The following GBE1 variants were observed in gnomAD, a reference collection of about 807,000 sequenced individuals.
GBE1 encodes 1,4-alpha-glucan-branching enzyme.
Under a neutral mutation model 88.8 loss-of-function variants are expected in GBE1, and 70 were observed. The observed-to-expected ratio is 0.79, with a 90% CI of 0.65 to 0.96. The LOEUF is 0.96. Among genes scored for constraint, GBE1 ranks in the 40% least tolerant of loss-of-function variants. The pLI, the probability that GBE1 is intolerant of heterozygous loss-of-function variation, is 0.00. For synonymous variants in GBE1, 284 were observed against 300.1 expected (o/e 0.95, Z 0.56); for missense variants, 872 against 871.0 (o/e 1.00, Z -0.01).
intron 9 of GBE1, among the ~76,000 whole-genome samples, chr3:81,587,368 C>A (rs1465412360): frequency 1.3e-5 from 2 of 152,240 alleles, no homozygotes; most frequent in African/African-American, 2.4e-5. Context: ...ACCACAACCA[C>A]AATCTTATTT....
At chr3:81,678,308 C>T (rs904282908) in intron 2 of GBE1, among the ~76,000 whole-genome samples, 28 of 152,254 alleles carry the variant, frequency 1.8e-4, no homozygotes, top group Admixed American at 1.5e-3. Flanking sequence ...CCTTTGTACA[C>T]GCAGTCCCTC....
chr3:81,716,513 A>C (rs1411964755), intron 1 of GBE1, among the ~76,000 whole-genome samples: 3 of 152,204 alleles, frequency 2.0e-5, no homozygotes, highest in Admixed American at 2.0e-4. Context: ...GAAAAGAAAA[A>C]GAAATGTTCT....
At chr3:81,654,263 A>C (rs1223549450) in intron 3 of GBE1, among the ~76,000 whole-genome samples, 2 of 152,210 alleles carry the variant, frequency 1.3e-5, no homozygotes, top group Non-Finnish European at 2.9e-5. Context: ...TTTATTTAGA[A>C]CATGTCATTT....
chr3:81,738,152 T>C (rs1706296078), intron 1 of GBE1, among the ~76,000 whole-genome samples: 1 of 151,652 alleles, frequency 6.6e-6, no homozygotes, highest in South Asian at 2.1e-4. Flanking sequence ...CAGTCTATCA[T>C]TGTTGGACAT....
chr3:81,698,014 A>C (rs1705626592), intron 2 of GBE1, among the ~76,000 whole-genome samples: 1 of 147,900 alleles, frequency 6.8e-6, no homozygotes, highest in African/African-American at 2.5e-5. Context: ...ATTAGGTGTT[A>C]TATATTATAT....
intron 12 of GBE1, among the ~76,000 whole-genome samples, chr3:81,542,674 G>GA (rs1188929678): frequency 2.0e-5 from 3 of 151,804 alleles, no homozygotes; most frequent in African/African-American, 7.3e-5. Context: ...TAAGCATTAA[G>GA]AAAAAATTCA....
chr3:81,529,543 T>C lies in GBE1; in HGVS notation c.1934+5652A>G, dbSNP rs188427529. On this transcript the variant is annotated intron_variant, in intron 14 of 15. Transcript: ENST00000429644. ...TTTTGTTTGTCTGGGAAAGTCTTAA[T>C]TTCTCCTTCATATTTGGAGGATATT... is the stretch of plus-strand genomic sequence containing the variant. Among the ~76,000 whole-genome samples the C allele has an allele frequency of 1.4e-4, 22 of 152,060 alleles. No homozygotes were observed. In the East Asian group the frequency reaches 4.3e-3, roughly 30 times the overall value.
intron 2 of GBE1, among the ~76,000 whole-genome samples, chr3:81,692,595 T>G (rs1031693859): frequency 1.3e-5 from 2 of 152,228 alleles, no homozygotes; most frequent in Admixed American, 6.5e-5. Context: ...GTGAACCATA[T>G]TTTGATCCAA....
At chr3:81,705,665 A>G in intron 1 of GBE1, 52 bp from the exon 2 acceptor site, 8 of 1,262,648 alleles carry the variant, frequency 6.3e-6, no homozygotes, top group Admixed American at 5.9e-5. Flanking sequence ...AGTCTTCTAG[A>G]AAAGCTACTG....
At chr3:81,650,036 A>G (rs1004157617) in intron 3 of GBE1, 115 bp from the exon 4 acceptor site, 44 of 755,576 alleles carry the variant, frequency 5.8e-5, no homozygotes, top group Non-Finnish European at 6.7e-5. Flanking sequence ...AAGAATCTAG[A>G]CCACCATACA....
chr3:81,578,977 A>T (rs1703685747), intron 11 of GBE1, among the ~76,000 whole-genome samples: 1 of 151,952 alleles, frequency 6.6e-6, no homozygotes, highest in African/African-American at 2.4e-5. Context: ...GATTTATATC[A>T]TTACTTCTTA....
intron 14 of GBE1, among the ~76,000 whole-genome samples, chr3:81,512,419 T>G (rs1296655704): frequency 6.6e-6 from 1 of 151,778 alleles, no homozygotes; most frequent in Non-Finnish European, 1.5e-5. Flanking sequence ...TGGAAAAAAT[T>G]TTTCCACTAA....
chr3:81,687,753 G>A (rs1705460937), intron 2 of GBE1, among the ~76,000 whole-genome samples: 2 of 152,180 alleles, frequency 1.3e-5, no homozygotes, highest in Admixed American at 6.5e-5. Context: ...AGGTGAGCAC[G>A]GTGGAAGCTC....
chr3:81,700,550 A>T (rs1318445116), intron 2 of GBE1, among the ~76,000 whole-genome samples: 1 of 152,178 alleles, frequency 6.6e-6, no homozygotes, highest in African/African-American at 2.4e-5. Flanking sequence ...GCTTATTCCC[A>T]ATTTCTGACA....
intron 14 of GBE1, among the ~76,000 whole-genome samples, chr3:81,530,098 C>T (rs1449828526): frequency 6.6e-6 from 1 of 151,804 alleles, no homozygotes; most frequent in Non-Finnish European, 1.5e-5. Flanking sequence ...CAATTCTGCT[C>T]TTGAGAAACT....
chr3:81,505,745 G>A (rs913502223), intron 14 of GBE1, among the ~76,000 whole-genome samples: 3 of 151,806 alleles, frequency 2.0e-5, no homozygotes, highest in Non-Finnish European at 4.4e-5. Context: ...GTGGTCGGGG[G>A]GTGTGTGTCT....
intron 7 of GBE1, among the ~76,000 whole-genome samples, chr3:81,619,409 CAT>C (rs1407292146): frequency 6.6e-6 from 1 of 152,040 alleles, no homozygotes; most frequent in East Asian, 1.9e-4. Context: ...TAAAAAGAAA[CAT>C]ATTTCACATA....
chr3:81,723,087 C>T lies in GBE1; in HGVS notation c.144-17474G>A, dbSNP rs117077098. On this transcript the variant is annotated intron_variant, in intron 1 of 15. Coordinates refer to ENST00000429644, the MANE Select transcript of GBE1 (RefSeq NM_000158.4). ...ATGAAAAAAACGTGGTACCTGTCTT[C>T]AAGAAATTACAGGTTGGTAAGGCTT... Among the ~76,000 whole-genome samples, 30 of 151,742 alleles carry T rather than the reference C, an allele frequency of 2.0e-4. No individual in the cohort carries two copies. The East Asian group carries it at 4.9e-3, about 25-fold the overall frequency.
At chr3:81,624,585 A>C (rs1230081499) in intron 7 of GBE1, among the ~76,000 whole-genome samples, 1 of 152,154 alleles carries the variant, frequency 6.6e-6, no homozygotes, top group African/African-American at 2.4e-5. Flanking sequence ...ATTTCTGAAA[A>C]CCAAAATATT....
Sources: gnomAD v4.1 joint callset for allele counts (sites outside exome capture counted in the v4.1 genomes callset) on GRCh38, gnomAD v4.1.1 for gene constraint, MANE v1.5 for transcripts, NCBI Gene and HGNC (gene_info 2026-07-23, HGNC 2026-07-21) for gene names.